The following KYNU variants were observed in gnomAD, a reference collection of about 807,000 sequenced individuals.
KYNU encodes the protein kynureninase, also known as L-kynurenine hydrolase.
KYNU carries 54 observed loss-of-function variants against 59.2 expected under a neutral mutation model. The observed-to-expected ratio is 0.91, with a 90% CI of 0.73 to 1.14. The LOEUF (loss-of-function observed/expected upper bound fraction) is 1.14. Among genes scored for constraint, KYNU ranks in the 50% most tolerant of loss-of-function variants. The pLI is 0.00. For missense variants in KYNU, 567 were observed against 554.4 expected, an observed-to-expected ratio of 1.02 and a Z score of -0.23; for synonymous variants, 177 against 192.0, an observed-to-expected ratio of 0.92 and a Z score of 0.65.
chr2:143,027,086 G>A (rs1424852743), intron 10 of KYNU, among the ~76,000 whole-genome samples: 2 of 152,130 alleles, frequency 1.3e-5, no homozygotes, highest in Non-Finnish European at 2.9e-5. Flanking sequence ...TCAGCTTGAG[G>A]GTAGGAATTC....
Position 143,032,587 on chromosome 2 carries a change from A to G in KYNU, c.956-649A>G, listed in dbSNP as rs189505513. On this transcript the variant is annotated intron_variant, in intron 11 of 13. Transcript: ENST00000264170. ...AGTGTTAACTTATCTCTGACTAGCT[A>G]TCTTAACCCTATTGAATTTAACTTG... Among the ~76,000 whole-genome samples the G allele has an allele frequency of 4.3e-4, 66 of 152,332 alleles. No homozygotes were observed. The South Asian group carries it at 6.6e-3, about 15-fold the overall frequency.
intron 4 of KYNU, among the ~76,000 whole-genome samples, chr2:142,949,586 A>T (rs1162374153): frequency 6.6e-6 from 1 of 152,150 alleles, no homozygotes; most frequent in Non-Finnish European, 1.5e-5. Flanking sequence ...GGCCCCTTTC[A>T]TCCATGGCTG....
At chr2:142,902,962 G>T (rs909492115) in intron 2 of KYNU, among the ~76,000 whole-genome samples, 1 of 152,150 alleles carries the variant, frequency 6.6e-6, no homozygotes, top group African/African-American at 2.4e-5. Context: ...CATCCTTAAG[G>T]TCCAGGACTG....
chr2:142,936,351 G>A (rs1456624757), intron 4 of KYNU, among the ~76,000 whole-genome samples: 1 of 152,124 alleles, frequency 6.6e-6, no homozygotes, highest in Non-Finnish European at 1.5e-5. Flanking sequence ...AGGCTATATT[G>A]TAAAAAAAGA....
intron 1 of KYNU, among the ~76,000 whole-genome samples, chr2:142,882,384 G>T (rs967729236): frequency 6.6e-6 from 1 of 151,460 alleles, no homozygotes; most frequent in African/African-American, 2.4e-5. Flanking sequence ...CAACGTGTAG[G>T]TTTGTTATAT....
At chr2:142,916,073 C>CTTGA (rs1325347099) in intron 2 of KYNU, among the ~76,000 whole-genome samples, 3 of 152,040 alleles carry the variant, frequency 2.0e-5, no homozygotes, top group Admixed American at 1.3e-4. Context: ...AGTAATCAAC[C>CTTGA]TTGTCAACAC....
At chr2:142,998,474 A>G (rs1199753096) in intron 10 of KYNU, among the ~76,000 whole-genome samples, 2 of 152,138 alleles carry the variant, frequency 1.3e-5, no homozygotes, top group African/African-American at 2.4e-5. Context: ...TTCGTGTTTA[A>G]ATGTTGTTTT....
intron 4 of KYNU, chr2:142,947,402 A>G (rs949876171): frequency 1.6e-6 from 1 of 620,734 alleles, no homozygotes; most frequent in African/African-American, 1.8e-5. Context: ...AGACATCGGA[A>G]TAAAAGCTAA....
At chr2:142,911,214 T>G (rs1682469903) in intron 2 of KYNU, among the ~76,000 whole-genome samples, 1 of 152,186 alleles carries the variant, frequency 6.6e-6, no homozygotes, top group Non-Finnish European at 1.5e-5. Context: ...GTTTTTCTAT[T>G]TGTGTCATCT....
At chr2:142,960,876 A>G in intron 8 of KYNU, 106 bp downstream of exon 8, 1 of 1,210,432 alleles carries the variant, frequency 8.3e-7, no homozygotes. Context: ...TCTGAGTAAA[A>G]CTATTTCAAA....
chr2:142,885,480 A>G lies in KYNU; in HGVS notation c.113A>G (p.Lys38Arg). 2 of 1,614,112 alleles carry G rather than the reference A, an allele frequency of 1.2e-6. No individual in the cohort carries two copies. Among genetic ancestry groups the G allele is most frequent in the Non-Finnish European group, 1.7e-6 (2 of 1,180,018 alleles). Reference protein sequence around the residue: ...RVALHLDEEDKLRHFRECFYI... With the variant: ...RVALHLDEEDRLRHFRECFYI... ...GCTCTCCACCTAGATGAGGAAGATA[A>G]GCTGAGGCACTTCAGGGAGTGCTTT... Residue 38 changes from lysine to arginine, a missense_variant, in exon 2 of 14, where the codon AAG becomes AGG. Physicochemically the swap from Lys to Arg is conservative, Grantham distance 26. Coordinates refer to ENST00000264170, the MANE Select transcript of KYNU (RefSeq NM_003937.3).
chr2:143,046,361 T>C lies in KYNU; in HGVS notation c.*4189T>C, dbSNP rs1687164825. ...TGTGGCATGTAGCTTTCCATTCATTTTCACTGCTGCTCAGTATTGTATTAC... is the reference window on the plus strand; with the variant it reads ...TGTGGCATGTAGCTTTCCATTCATTCTCACTGCTGCTCAGTATTGTATTAC... On this transcript the variant is annotated 3_prime_UTR_variant, in exon 14 of 14. Coordinates refer to ENST00000264170, the MANE Select transcript of KYNU (RefSeq NM_003937.3). 6.6e-6 allele frequency: 1 copy of C among 152,176 alleles called. No individual in the cohort carries two copies. Among genetic ancestry groups the C allele is most frequent in the African/African-American group, 2.4e-5 (1 of 41,450 alleles). 9.4% of individuals were successfully genotyped at this position (152,176 alleles called of 1,614,324 possible). A position where few individuals can be genotyped will look rare whatever the true frequency, so the allele number is the denominator to read the frequency against.
intron 2 of KYNU, among the ~76,000 whole-genome samples, chr2:142,912,461 C>G (rs180837501): frequency 1.3e-4 from 19 of 144,252 alleles, no homozygotes; most frequent in Admixed American, 5.0e-4. Context: ...CTCACCACAA[C>G]CTCTGCATCC....
intron 10 of KYNU, among the ~76,000 whole-genome samples, chr2:143,022,109 C>A (rs1686427107): frequency 6.6e-6 from 1 of 152,064 alleles, no homozygotes; most frequent in African/African-American, 2.4e-5. Flanking sequence ...ATTTTTATAT[C>A]TGCCAAATCT....
chr2:142,973,141 G>A (rs1022267653), intron 8 of KYNU, among the ~76,000 whole-genome samples: 1 of 150,190 alleles, frequency 6.7e-6, no homozygotes, highest in Non-Finnish European at 1.5e-5. Context: ...ATCATATAAT[G>A]GCAAATTGGT....
chr2:142,935,597 T>C (rs762918800), intron 4 of KYNU, among the ~76,000 whole-genome samples: 9 of 152,184 alleles, frequency 5.9e-5, no homozygotes, highest in Non-Finnish European at 1.3e-4. Flanking sequence ...AACTCCCTAA[T>C]ATAAGAGGTG....
chr2:142,900,140 A>C (rs1397276206), intron 2 of KYNU, among the ~76,000 whole-genome samples: 1 of 152,216 alleles, frequency 6.6e-6, no homozygotes, highest in Non-Finnish European at 1.5e-5. Flanking sequence ...CAGCTCCATT[A>C]GGATGAACCT....
At position 143,026,859 on chromosome 2, in the gene KYNU, T is replaced by C. The variant is rs1411155340; in HGVS notation, c.903-2768T>C. Among the ~76,000 whole-genome samples the C allele has an allele frequency of 2.6e-5, 4 of 152,330 alleles. No individual in the cohort carries two copies. The East Asian group carries it at 7.7e-4, about 29-fold the overall frequency. On this transcript the variant is annotated intron_variant, in intron 10 of 13. Coordinates refer to ENST00000264170, the MANE Select transcript of KYNU (RefSeq NM_003937.3). ...TGAAGAGCCAGTGTGACAGCCAGAC[T>C]CTTCTCGAAGTTACGAAGTTACGCC...
intron 10 of KYNU, among the ~76,000 whole-genome samples, chr2:143,026,792 T>G (rs1187490023): frequency 1.3e-5 from 2 of 152,256 alleles, no homozygotes; most frequent in Admixed American, 1.3e-4. Flanking sequence ...CAGTGGGGCC[T>G]CTGACTTTTC....
Sources: gnomAD v4.1 joint callset for allele counts (sites outside exome capture counted in the v4.1 genomes callset) on GRCh38, gnomAD v4.1.1 for gene constraint, MANE v1.5 for transcripts, NCBI Gene and HGNC (gene_info 2026-07-23, HGNC 2026-07-21) for gene names.